Variants in MAP4K4 observed in about 807,000 individuals in gnomAD.
MAP4K4 encodes HPK/GCK-like kinase HGK.
Under a neutral mutation model 189.6 loss-of-function variants are expected in MAP4K4, and 38 were observed. That is an observed-to-expected ratio of 0.20 (90% CI 0.15 to 0.26). The LOEUF is 0.26. Ranked by LOEUF, MAP4K4 falls within the 10% of genes least tolerant of loss-of-function variation. The probability of loss-of-function intolerance (pLI) is 1.00; values close to 1 mark genes in which losing one functional copy is unlikely to be tolerated. For missense variants in MAP4K4, 1,054 were observed against 1,726.9 expected, an observed-to-expected ratio of 0.61 and a Z score of 6.91; for synonymous variants, 610 against 624.3, an observed-to-expected ratio of 0.98 and a Z score of 0.34.
intron 2 of MAP4K4, among the ~76,000 whole-genome samples, chr2:101,721,193 C>T (rs2051700810): frequency 6.6e-6 from 1 of 152,132 alleles, no homozygotes; most frequent in East Asian, 1.9e-4. Flanking sequence ...TAGAAATTGT[C>T]AATACATCAT....
In MAP4K4 at chr2:101,870,346, T is replaced by C. The variant is rs748836403; in HGVS notation, c.2691T>C (p.Ile897=). Residue 897 remains isoleucine, a synonymous_variant, in exon 23 of 33, where the codon ATT becomes ATC. Transcript: ENST00000324219. Reference sequence around the variant, plus strand: ...AAACGGAATCTGTGAAAACCATGATTGTCCATGATGATGTAGAAAGTGAGC... The same window carrying C: ...AAACGGAATCTGTGAAAACCATGATCGTCCATGATGATGTAGAAAGTGAGC... 5 of 1,613,620 alleles carry C rather than the reference T, an allele frequency of 3.1e-6. No individual in the cohort carries two copies. In the South Asian group the frequency reaches 4.4e-5, roughly 14 times the overall value.
chr2:101,764,953 T>C (rs2077980802), intron 2 of MAP4K4, among the ~76,000 whole-genome samples: 3 of 152,240 alleles, frequency 2.0e-5, no homozygotes, highest in Admixed American at 1.3e-4. Flanking sequence ...ACTAACATTA[T>C]GTAATTCCCT....
At chr2:101,873,867 C>G in intron 25 of MAP4K4, 103 bp downstream of exon 25, 1 of 876,684 alleles carries the variant, frequency 1.1e-6, no homozygotes, top group Non-Finnish European at 1.8e-6. Context: ...AGGCACAGAC[C>G]TCGGGTACAG....
chr2:101,873,497 C>T (rs2098114817), intron 24 of MAP4K4, 150 bp from the exon 25 acceptor site: 2 of 545,942 alleles, frequency 3.7e-6, no homozygotes, highest in Non-Finnish European at 6.7e-6. Flanking sequence ...GTGGAAGCTC[C>T]CCGCAGAGCA....
chr2:101,888,008 T>A, intron 31 of MAP4K4, 71 bp downstream of exon 31: 29 of 1,399,664 alleles, frequency 2.1e-5, no homozygotes, highest in Non-Finnish European at 2.8e-5. Flanking sequence ...TTATTTATCA[T>A]GCTGATTTTG....
intron 2 of MAP4K4, among the ~76,000 whole-genome samples, chr2:101,721,266 A>C (rs548397267): frequency 6.6e-6 from 1 of 152,236 alleles, no homozygotes; most frequent in African/African-American, 2.4e-5. Flanking sequence ...TCCACTTCTG[A>C]ATGGCTTTGG....
intron 2 of MAP4K4, among the ~76,000 whole-genome samples, chr2:101,742,101 G>A (rs561365730): frequency 2.3e-4 from 35 of 152,246 alleles, no homozygotes; most frequent in African/African-American, 7.0e-4. Flanking sequence ...AGGGTCCCTG[G>A]GCTCTAGTGG....
intron 12 of MAP4K4, among the ~76,000 whole-genome samples, chr2:101,854,490 C>T (rs895981562): frequency 2.6e-5 from 4 of 152,132 alleles, no homozygotes; most frequent in Admixed American, 1.3e-4. Context: ...CAAAAGCAGA[C>T]TCAGAACTTC....
At chr2:101,841,628 C>T (rs2096920467) in intron 10 of MAP4K4, among the ~76,000 whole-genome samples, 1 of 151,980 alleles carries the variant, frequency 6.6e-6, no homozygotes, top group Non-Finnish European at 1.5e-5. Context: ...ACCACCACAC[C>T]CGGCTGGTTT....
At chr2:101,850,252 G>A (rs1016470237) in intron 12 of MAP4K4, among the ~76,000 whole-genome samples, 3 of 151,960 alleles carry the variant, frequency 2.0e-5, no homozygotes, top group African/African-American at 7.3e-5. Context: ...TTAGAGGGGC[G>A]GTGGAAGTAG....
At chr2:101,729,549 G>A (rs2057461467) in intron 2 of MAP4K4, among the ~76,000 whole-genome samples, 1 of 152,202 alleles carries the variant, frequency 6.6e-6, no homozygotes, top group Non-Finnish European at 1.5e-5. Flanking sequence ...TTTAGCAAAA[G>A]TGAAGAATGG....
In MAP4K4 at chr2:101,859,867, A is replaced by G. The variant is rs768540909; in HGVS notation, c.1704+3A>G. 6.3e-7 allele frequency: 1 copy of G among 1,592,996 alleles called. No individual in the cohort carries two copies. Among genetic ancestry groups the G allele is most frequent in the South Asian group, 1.1e-5 (1 of 87,292 alleles). On this transcript the variant is annotated splice_donor_region_variant and intron_variant, in intron 15 of 32. Transcript: ENST00000324219. The stretch of plus-strand genomic sequence containing the variant: ...AGCCTGCTGACCGAGCGCGAGAGGT[A>G]TCCTCTTTCCTTTGTCACTTAGACA...
intron 9 of MAP4K4, among the ~76,000 whole-genome samples, chr2:101,837,671 T>A (rs1311533690): frequency 1.3e-5 from 2 of 152,182 alleles, no homozygotes; most frequent in African/African-American, 4.8e-5. Flanking sequence ...GTTCATGCTT[T>A]AATTAAGTAG....
intron 27 of MAP4K4, among the ~76,000 whole-genome samples, chr2:101,877,864 C>G (rs573363460): frequency 6.6e-6 from 1 of 152,140 alleles, no homozygotes; most frequent in Non-Finnish European, 1.5e-5. Flanking sequence ...ATTCTCCTGC[C>G]TCAGCCTCCC....
intron 3 of MAP4K4, among the ~76,000 whole-genome samples, chr2:101,805,733 C>A (rs986138728): frequency 1.3e-5 from 2 of 152,232 alleles, no homozygotes; most frequent in African/African-American, 4.8e-5. Flanking sequence ...TGAGAAAGAG[C>A]AGATGACGTT....
At chr2:101,824,630 A>G (rs2096271371) in intron 4 of MAP4K4, among the ~76,000 whole-genome samples, 1 of 152,252 alleles carries the variant, frequency 6.6e-6, no homozygotes, top group South Asian at 2.1e-4. Context: ...TAAAGCAGGA[A>G]GATAGGTTAA....
At position 101,887,859 on chromosome 2, in the gene MAP4K4, G is replaced by T. The variant is rs1452605418; in HGVS notation, c.3853G>T (p.Glu1285Ter). ...GGAGCTTCTGGTGTGCTATGAAGAT[G>T]AGGGGGTTTATGTAAACACATATGG... Residue 1285 changes from glutamate to a stop codon, truncating the protein, a stop_gained, in exon 31 of 33, where the codon GAG becomes TAG. Transcript: ENST00000324219. LOFTEE classifies it high-confidence loss of function. The T allele has an allele frequency of 6.2e-7, 1 of 1,613,092 alleles. No individual in the cohort carries two copies. Among genetic ancestry groups the T allele is most frequent in the Non-Finnish European group, 8.5e-7 (1 of 1,179,464 alleles).
intron 2 of MAP4K4, among the ~76,000 whole-genome samples, chr2:101,700,730 A>G (rs2037980227): frequency 6.6e-6 from 1 of 151,542 alleles, no homozygotes; most frequent in Non-Finnish European, 1.5e-5. Context: ...GAAAAATGTC[A>G]TATATTCACT....
chr2:101,757,926 G>C (rs1008113201), intron 2 of MAP4K4, among the ~76,000 whole-genome samples: 2 of 152,210 alleles, frequency 1.3e-5, no homozygotes, highest in African/African-American at 4.8e-5. Flanking sequence ...TTGAGAGGCT[G>C]AGGCACAAGA....
Sources: allele counts gnomAD v4.1 joint callset (sites outside exome capture counted in the v4.1 genomes callset), GRCh38; gene constraint gnomAD v4.1.1; transcripts MANE v1.5; gene names NCBI Gene and HGNC (gene_info 2026-07-23, HGNC 2026-07-21).